EPHA6: variants seen among roughly 807,000 people sequenced by gnomAD.
EPHA6 encodes the protein EPH receptor A6.
Under a neutral mutation model 112.0 loss-of-function variants are expected in EPHA6, and 50 were observed. The ratio of observed to expected loss-of-function variants is 0.45; its 90% CI spans 0.36 to 0.56. EPHA6 has a LOEUF of 0.56. Ranked by LOEUF, EPHA6 falls within the 20% of genes least tolerant of loss-of-function variation. The pLI, the probability that EPHA6 is intolerant of heterozygous loss-of-function variation, is 0.00. For missense variants in EPHA6, 1,280 were observed against 1,417.4 expected, an observed-to-expected ratio of 0.90 and a Z score of 1.56; for synonymous variants, 529 against 490.7, an observed-to-expected ratio of 1.08 and a Z score of -1.03.
intron 14 of EPHA6, among the ~76,000 whole-genome samples, chr3:97,640,470 G>C (rs536648013): frequency 2.6e-5 from 4 of 152,082 alleles, no homozygotes; most frequent in African/African-American, 7.2e-5. Flanking sequence ...GCATGTCTTA[G>C]AAGATATTAT....
chr3:97,326,278 G>A (rs2082416364), intron 5 of EPHA6, among the ~76,000 whole-genome samples: 1 of 151,848 alleles, frequency 6.6e-6, no homozygotes, highest in Non-Finnish European at 1.5e-5. Flanking sequence ...TTAATGTACA[G>A]ATAGACAACA....
At chr3:97,156,876 A>G (rs893138493) in intron 3 of EPHA6, among the ~76,000 whole-genome samples, 13 of 152,152 alleles carry the variant, frequency 8.5e-5, no homozygotes, top group African/African-American at 2.9e-4. Flanking sequence ...TTTGAAATAT[A>G]CTTTTTTGGT....
intron 5 of EPHA6, among the ~76,000 whole-genome samples, chr3:97,333,196 T>C (rs909977641): frequency 6.6e-6 from 1 of 152,106 alleles, no homozygotes; most frequent in Non-Finnish European, 1.5e-5. Flanking sequence ...GTTGAGTGTA[T>C]GTGTAAGTAT....
intron 15 of EPHA6, among the ~76,000 whole-genome samples, chr3:97,731,350 T>A (rs2035028388): frequency 6.6e-6 from 1 of 151,998 alleles, no homozygotes; most frequent in Admixed American, 6.6e-5. Context: ...AAGTGATATA[T>A]CCTATAGGTG....
intron 2 of EPHA6, among the ~76,000 whole-genome samples, chr3:96,978,437 A>G (rs1265404578): frequency 1.3e-5 from 2 of 152,208 alleles, no homozygotes; most frequent in African/African-American, 2.4e-5. Context: ...GAAATGTGAT[A>G]TAATTTTTAT....
intron 11 of EPHA6, among the ~76,000 whole-genome samples, chr3:97,587,250 AAAAG>A (rs1366383505): frequency 6.6e-6 from 1 of 152,104 alleles, no homozygotes; most frequent in Non-Finnish European, 1.5e-5. Context: ...CAAAAAAAAA[AAAAG>A]AAACTATCTT....
chr3:97,485,331 G>A (rs1438232637), intron 10 of EPHA6, among the ~76,000 whole-genome samples: 10 of 152,228 alleles, frequency 6.6e-5, no homozygotes, highest in Admixed American at 5.2e-4. Context: ...ATTTCAAGAC[G>A]GTGACAACAG....
At chr3:97,131,697 C>G (rs1324010366) in intron 3 of EPHA6, among the ~76,000 whole-genome samples, 1 of 152,126 alleles carries the variant, frequency 6.6e-6, no homozygotes, top group Non-Finnish European at 1.5e-5. Flanking sequence ...TTGGCCACAG[C>G]AGAGAGGATC....
At chr3:97,070,833 G>A (rs1358738531) in intron 3 of EPHA6, among the ~76,000 whole-genome samples, 1 of 152,092 alleles carries the variant, frequency 6.6e-6, no homozygotes, top group African/African-American at 2.4e-5. Context: ...ACAGTGCATT[G>A]TCAGTACCTC....
intron 5 of EPHA6, among the ~76,000 whole-genome samples, chr3:97,381,019 C>G (rs1395978503): frequency 6.6e-6 from 1 of 151,970 alleles, no homozygotes; most frequent in Non-Finnish European, 1.5e-5. Context: ...GTAGCATTTT[C>G]TTCTTGACCT....
chr3:97,704,385 C>T (rs2033566411), intron 14 of EPHA6, among the ~76,000 whole-genome samples: 1 of 152,180 alleles, frequency 6.6e-6, no homozygotes, highest in Non-Finnish European at 1.5e-5. Context: ...AATTCTCTTT[C>T]TCTTCTGGAC....
intron 12 of EPHA6, among the ~76,000 whole-genome samples, chr3:97,595,672 GAGAGA>G (rs1035179368): frequency 3.6e-5 from 5 of 137,324 alleles, no homozygotes; most frequent in South Asian, 2.2e-4. Flanking sequence ...GAAATCACAG[GAGAGA>G]AGAGGAGAGG....
At chr3:97,248,822 A>G (rs996213355) in intron 5 of EPHA6, among the ~76,000 whole-genome samples, 1 of 152,246 alleles carries the variant, frequency 6.6e-6, no homozygotes, top group African/African-American at 2.4e-5. Context: ...TGAGATGTCT[A>G]TTTGGTTTAC....
chr3:97,079,679 G>A (rs181215548), intron 3 of EPHA6, among the ~76,000 whole-genome samples: 1 of 150,988 alleles, frequency 6.6e-6, no homozygotes, highest in African/African-American at 2.4e-5. Context: ...TATACTGTGG[G>A]TAAAATGCTG....
rs555843765 is a variant in EPHA6, at chr3:97,193,936, C to T, written c.1115-32328C>T. Among the ~76,000 whole-genome samples, 11 of 152,056 alleles carry T rather than the reference C, an allele frequency of 7.2e-5. No individual in the cohort carries two copies. The East Asian group carries it at 2.1e-3, about 29-fold the overall frequency. ...CTTTCATTCTGTTGATATGATATAT[C>T]ACATTGGTTGATTTCAAAATATTGG... On this transcript the variant is annotated intron_variant, in intron 3 of 17. Transcript: ENST00000389672.
intron 3 of EPHA6, among the ~76,000 whole-genome samples, chr3:97,216,292 T>C (rs1357069065): frequency 6.6e-6 from 1 of 152,046 alleles, no homozygotes; most frequent in Non-Finnish European, 1.5e-5. Flanking sequence ...AACAACCTTA[T>C]CTCGCATGAA....
At chr3:97,517,218 G>A (rs2092461382) in intron 10 of EPHA6, among the ~76,000 whole-genome samples, 1 of 152,086 alleles carries the variant, frequency 6.6e-6, no homozygotes, top group African/African-American at 2.4e-5. Context: ...GAGTCCACTA[G>A]GAACACACTA....
At chr3:97,620,591 T>C (rs1647853469) in intron 13 of EPHA6, among the ~76,000 whole-genome samples, 1 of 151,820 alleles carries the variant, frequency 6.6e-6, no homozygotes, top group East Asian at 1.9e-4. Flanking sequence ...AACAACCCCA[T>C]TAAAAACTGG....
chr3:97,598,539 G>C (rs1024033191), intron 12 of EPHA6, among the ~76,000 whole-genome samples: 4 of 150,418 alleles, frequency 2.7e-5, no homozygotes, highest in South Asian at 2.1e-4. Context: ...TCTTGTGATA[G>C]TTTACTGAGA....
Sources: gnomAD v4.1 joint callset for allele counts (sites outside exome capture counted in the v4.1 genomes callset) on GRCh38, gnomAD v4.1.1 for gene constraint, MANE v1.5 for transcripts, NCBI Gene and HGNC (gene_info 2026-07-23, HGNC 2026-07-21) for gene names.